The following SNRPN variants were observed in gnomAD, a reference collection of about 807,000 sequenced individuals.
SNRPN encodes small nuclear ribonucleoprotein-associated protein N.
SNRPN carries 7 observed loss-of-function variants against 25.2 expected under a neutral mutation model. The ratio of observed to expected loss-of-function variants is 0.28; its 90% CI spans 0.16 to 0.52. The LOEUF (loss-of-function observed/expected upper bound fraction) is 0.52. Among genes scored for constraint, SNRPN ranks in the 20% least tolerant of loss-of-function variants. SNRPN has a pLI of 0.96. For synonymous variants in SNRPN, 124 were observed against 110.6 expected (o/e 1.12, Z -0.76); for missense variants, 196 against 322.5 (o/e 0.61, Z 3.00).
intron 3 of SNRPN, among the ~76,000 whole-genome samples, chr15:24,949,226 C>T (rs988269200): frequency 1.3e-5 from 2 of 151,546 alleles, no homozygotes; most frequent in African/African-American, 4.8e-5. Context: ...TTTGCCATGT[C>T]GGCCAGGCTG....
chr15:24,978,424 A>G lies in SNRPN; in HGVS notation c.703A>G (p.Met235Val). 6.2e-7 allele frequency: 1 copy of G among 1,613,870 alleles called. No individual in the cohort carries two copies. Among genetic ancestry groups the G allele is most frequent in the South Asian group, 1.1e-5 (1 of 91,058 alleles). ...CTTTCCAGGTCCACCTCCCCCAGGA[A>G]TGCGTCCACCAAGACCTTAGCATAC... ...PGIRGPPPPG[M>V]RPPRP The change falls in exon 10 of 10, where the codon ATG becomes GTG. Residue 235 changes from methionine to valine, a missense_variant. Coordinates refer to ENST00000390687, the MANE Select transcript of SNRPN (RefSeq NM_003097.6).
intron 3 of SNRPN, among the ~76,000 whole-genome samples, chr15:24,935,926 C>T (rs1566930561): frequency 1.3e-5 from 2 of 151,956 alleles, no homozygotes; most frequent in South Asian, 2.1e-4. Context: ...CCAGCCTGGC[C>T]AACATAGTGA....
At chr15:24,863,319 G>C (rs1272008750) in intron 1 of SNRPN, among the ~76,000 whole-genome samples, 1 of 150,714 alleles carries the variant, frequency 6.6e-6, no homozygotes, top group Non-Finnish European at 1.5e-5. Context: ...CTGCAGATAA[G>C]GGGGGTTCCC....
At chr15:24,928,919 A>G (rs1190225187) in intron 3 of SNRPN, among the ~76,000 whole-genome samples, 2 of 152,026 alleles carry the variant, frequency 1.3e-5, no homozygotes, top group Admixed American at 6.6e-5. Context: ...CAATTTTTAG[A>G]TACTGACCCC....
intron 2 of SNRPN, among the ~76,000 whole-genome samples, chr15:24,918,082 G>A (rs1228148759): frequency 6.6e-6 from 1 of 151,618 alleles, no homozygotes; most frequent in Non-Finnish European, 1.5e-5. Context: ...TAAGTTTGAG[G>A]GTAGAATTTA....
intron 3 of SNRPN, among the ~76,000 whole-genome samples, chr15:24,934,375 C>T (rs986801668): frequency 7.0e-6 from 1 of 142,172 alleles, no homozygotes; most frequent in Non-Finnish European, 1.6e-5. Context: ...TCAAATTTCA[C>T]GGTCCATAAG....
chr15:24,918,765 T>C (rs12900031), intron 2 of SNRPN, among the ~76,000 whole-genome samples: 17 of 10,770 alleles, frequency 1.6e-3, no homozygotes, highest in African/African-American at 6.6e-3. Flanking sequence ...TATGTGTGCA[T>C]ATATATATAA....
chr15:24,908,139 T>C (rs112554569), intron 2 of SNRPN, among the ~76,000 whole-genome samples: 55 of 151,784 alleles, frequency 3.6e-4, no homozygotes, highest in Non-Finnish European at 1.2e-4. Flanking sequence ...GCCAGTGACT[T>C]GATGGCGTAA....
intron 1 of SNRPN, among the ~76,000 whole-genome samples, chr15:24,957,064 T>C (rs1566952298): frequency 6.6e-6 from 1 of 152,260 alleles, no homozygotes; most frequent in Non-Finnish European, 1.5e-5. Flanking sequence ...TTCTCTATTT[T>C]CAAACTGGAC....
intron 1 of SNRPN, among the ~76,000 whole-genome samples, chr15:24,959,277 C>A (rs547380011): frequency 1.3e-5 from 2 of 151,952 alleles, no homozygotes; most frequent in South Asian, 2.1e-4. Context: ...CTAGAACATT[C>A]AATAAAGTAG....
At chr15:24,907,910 G>T (rs2058938003) in intron 2 of SNRPN, among the ~76,000 whole-genome samples, 1 of 151,466 alleles carries the variant, frequency 6.6e-6, no homozygotes, top group African/African-American at 2.4e-5. Flanking sequence ...AAAATTAGCT[G>T]GGCATGGTGG....
intron 2 of SNRPN, among the ~76,000 whole-genome samples, chr15:24,965,789 ATCT>A (rs1487857125): frequency 1.3e-5 from 2 of 152,144 alleles, no homozygotes; most frequent in Non-Finnish European, 2.9e-5. Context: ...TCAGTCTTTA[ATCT>A]TCTATTGGGT....
intron 2 of SNRPN, among the ~76,000 whole-genome samples, chr15:24,834,334 G>A (rs1159373241): frequency 1.3e-5 from 2 of 152,092 alleles, no homozygotes; most frequent in East Asian, 1.9e-4. Flanking sequence ...AGATTAGAGA[G>A]ACCTTCATTC....
chr15:24,951,152 C>T (rs1048610728), upstream of SNRPN, among the ~76,000 whole-genome samples: 2 of 152,088 alleles, frequency 1.3e-5, no homozygotes, highest in Non-Finnish European at 1.5e-5. Flanking sequence ...TGTGAACCAC[C>T]GTGCCTGGCC....
chr15:24,908,358 C>A (rs1003623381), intron 2 of SNRPN, among the ~76,000 whole-genome samples: 16 of 152,052 alleles, frequency 1.1e-4, no homozygotes, highest in Non-Finnish European at 2.4e-4. Context: ...GAAGTGCATG[C>A]TAGAAGAAGG....
chr15:24,956,767 C>T (rs1027286061), intron 1 of SNRPN, among the ~76,000 whole-genome samples: 1 of 152,124 alleles, frequency 6.6e-6, no homozygotes, highest in Admixed American at 6.6e-5. Flanking sequence ...CCCTTACCCA[C>T]GGTGCAGCAG....
chr15:24,909,828 T>C (rs1300254416), intron 2 of SNRPN: 1 of 1,130,774 alleles, frequency 8.8e-7, no homozygotes. Context: ...AACCCCATCC[T>C]GCAGAACAGA....
In SNRPN at chr15:24,885,716, C is replaced by CTGTGTGTGTGTGTGTGTG. The variant is rs58691279; in HGVS notation, c.-578-780_-578-763dup. ...GGATTTTCCAGGAAGGAATCTGGGG[C>CTGTGTGTGTGTGTGTGTG]TGTGTGTGTGTGTGTGTGTGTGTGT... On this transcript the variant is annotated intron_variant, in intron 1 of 11. Transcript: ENST00000400097. Among the ~76,000 whole-genome samples, 10 of 141,734 alleles carry CTGTGTGTGTGTGTGTGTG rather than the reference C, an allele frequency of 7.1e-5. No individual in the cohort carries two copies. In the South Asian group the frequency reaches 9.7e-4, roughly 14 times the overall value. 93.0% of individuals were successfully genotyped at this position (141,734 alleles called of 152,430 possible).
chr15:24,846,351 CT>C (rs1265428086), intron 2 of SNRPN, among the ~76,000 whole-genome samples: 1 of 152,208 alleles, frequency 6.6e-6, no homozygotes, highest in African/African-American at 2.4e-5. Flanking sequence ...TTTTTACAAA[CT>C]AAGCAAATCT....
Sources: gnomAD v4.1 joint callset for allele counts (sites outside exome capture counted in the v4.1 genomes callset) on GRCh38, gnomAD v4.1.1 for gene constraint, MANE v1.5 for transcripts, NCBI Gene and HGNC (gene_info 2026-07-23, HGNC 2026-07-21) for gene names.